ZNF680: variants seen among roughly 807,000 people sequenced by gnomAD.
ZNF680 encodes the protein zinc finger protein 680.
In ZNF680, 6 loss-of-function variants were observed where a neutral mutation model predicts 12.1. That is an observed-to-expected ratio of 0.49 (90% CI 0.27 to 0.98). The LOEUF is 0.98. Among genes scored for constraint, ZNF680 ranks in the 50% least tolerant of loss-of-function variants. The probability of loss-of-function intolerance (pLI) is 0.12; values close to 1 mark genes in which losing one functional copy is unlikely to be tolerated. For missense variants in ZNF680, 561 were observed against 616.3 expected (o/e 0.91, Z 0.95); for synonymous variants, 170 against 199.3 (o/e 0.85, Z 1.24).
the ZNF680 span, among the ~76,000 whole-genome samples, chr7:64,505,647 G>A: frequency 6.6e-6 from 1 of 152,134 alleles, no homozygotes; most frequent in African/African-American, 2.4e-5. Context: ...ATTCCATAGT[G>A]CCAGTGAGCC....
chr7:64,525,908 T>C (rs1407815706), intron 3 of ZNF680: 5 of 984,834 alleles, frequency 5.1e-6, no homozygotes, highest in Non-Finnish European at 6.0e-6. Flanking sequence ...AGGGAAAATA[T>C]TTATACAGGT....
chr7:64,558,841 G>A (rs1230996380), intron 1 of ZNF680, among the ~76,000 whole-genome samples: 1 of 151,528 alleles, frequency 6.6e-6, no homozygotes, highest in African/African-American at 2.4e-5. Context: ...GACACACCGG[G>A]GAGAAAGAAA....
downstream of ZNF680, among the ~76,000 whole-genome samples, chr7:64,515,021 C>A (rs1791318606): frequency 6.7e-6 from 1 of 149,484 alleles, no homozygotes; most frequent in Non-Finnish European, 1.5e-5. Flanking sequence ...CCAGCCTGGG[C>A]AACAAGAGCA....
chr7:64,537,650 A>G (rs1049726291), intron 3 of ZNF680, among the ~76,000 whole-genome samples: 20 of 152,226 alleles, frequency 1.3e-4, no homozygotes, highest in Non-Finnish European at 2.4e-4. Flanking sequence ...ATAGACGGCC[A>G]GGTGCGCTGG....
chr7:64,562,013 T>C (rs1438593030), intron 1 of ZNF680, among the ~76,000 whole-genome samples: 1 of 150,104 alleles, frequency 6.7e-6, no homozygotes, highest in Non-Finnish European at 1.5e-5. Flanking sequence ...GGCGGGCAGA[T>C]CACAAGGTCA....
rs1015225461 is a variant in ZNF680 at position 64,520,934 on chromosome 7, TCA to T, written c.*225_*226del. On this transcript the variant is annotated 3_prime_UTR_variant, in exon 4 of 4. Transcript: ENST00000309683. ...ATGTGAAAAGATATCAATGACTTTT[TCA>T]CATTCTTTATACTTGTACAATCTTT... is the stretch of plus-strand genomic sequence containing the variant. 2.2e-6 allele frequency: 1 copy of T among 444,758 alleles called. No homozygotes were observed. Among genetic ancestry groups the T allele is most frequent in the East Asian group, 3.9e-5 (1 of 25,342 alleles). 27.6% of individuals were successfully genotyped at this position (444,758 alleles called of 1,614,324 possible).
At chr7:64,501,798 T>G in the ZNF680 span, 1 of 675,794 alleles carries the variant, frequency 1.5e-6, no homozygotes, top group Admixed American at 1.9e-5. Context: ...AGATCAAATT[T>G]TTTACCAGAT....
At chr7:64,531,558 C>G (rs1011998845) in intron 3 of ZNF680, among the ~76,000 whole-genome samples, 1 of 142,066 alleles carries the variant, frequency 7.0e-6, no homozygotes, top group Non-Finnish European at 1.5e-5. Flanking sequence ...GATCGTGCCA[C>G]TGCACTCCAG....
At chr7:64,508,823 G>A in the ZNF680 span, among the ~76,000 whole-genome samples, 1 of 152,072 alleles carries the variant, frequency 6.6e-6, no homozygotes, top group South Asian at 2.1e-4. Context: ...ATACAATGTC[G>A]TGGATGTTTC....
chr7:64,521,929 A>G lies in ZNF680; in HGVS notation c.825T>C (p.Phe275=), dbSNP rs1483116809. 6.2e-7 allele frequency: 1 copy of G among 1,613,130 alleles called. No individual in the cohort carries two copies. The highest frequency in any genetic ancestry group is 1.1e-5 in the South Asian group (1 of 91,030). ...GTTTACTAAGGATTGAGAATAAACT[A>G]AAGGCTTTGCCACATTCTTCACATT... ...PFKCEECGKA[F]SLFSILSKHK... is the part of the protein sequence containing the mutation. The change falls in exon 4 of 4, where the codon TTT becomes TTC. Residue 275 remains phenylalanine (F), a synonymous_variant. Coordinates refer to ENST00000309683, the MANE Select transcript of ZNF680 (RefSeq NM_178558.5).
intron 3 of ZNF680, among the ~76,000 whole-genome samples, chr7:64,538,699 G>A (rs1442098939): frequency 6.6e-6 from 1 of 152,148 alleles, no homozygotes; most frequent in African/African-American, 2.4e-5. Context: ...ATTTACAAAT[G>A]TTATAAATGT....
chr7:64,512,457 C>CAAAA, the ZNF680 span, among the ~76,000 whole-genome samples: 9 of 87,184 alleles, frequency 1.0e-4, no homozygotes, highest in Admixed American at 3.9e-4. Flanking sequence ...CCGTCTCCAG[C>CAAAA]AAAAAAAAAA....
intron 3 of ZNF680, chr7:64,525,922 C>T (rs1217597626): frequency 9.1e-6 from 9 of 984,706 alleles, no homozygotes; most frequent in East Asian, 1.1e-4. Context: ...TACAGGTAAA[C>T]ACAGAGATCG....
chr7:64,499,700 C>T, the ZNF680 span, among the ~76,000 whole-genome samples: 1 of 152,136 alleles, frequency 6.6e-6, no homozygotes, highest in Non-Finnish European at 1.5e-5. Flanking sequence ...GCGGAGACCA[C>T]GCCATTGCAC....
chr7:64,505,815 A>G, the ZNF680 span, among the ~76,000 whole-genome samples: 1 of 148,716 alleles, frequency 6.7e-6, no homozygotes, highest in Non-Finnish European at 1.5e-5. Context: ...TGTCCTCTCT[A>G]CTGGAAGCAC....
At chr7:64,500,894 A>G in the ZNF680 span, 1 of 583,140 alleles carries the variant, frequency 1.7e-6, no homozygotes, top group Non-Finnish European at 3.3e-6. Context: ...TGGAAATCTC[A>G]ACACTCTTGT....
the ZNF680 span, among the ~76,000 whole-genome samples, chr7:64,504,658 C>T: frequency 6.6e-6 from 1 of 152,158 alleles, no homozygotes; most frequent in Non-Finnish European, 1.5e-5. Context: ...CCAGTATTCA[C>T]CCTGAGTCAC....
intron 1 of ZNF680, among the ~76,000 whole-genome samples, chr7:64,558,893 G>T (rs956659838): frequency 6.6e-6 from 1 of 150,396 alleles, no homozygotes; most frequent in Non-Finnish European, 1.5e-5. Context: ...TTTTTCCAAA[G>T]AATGTTTTGG....
chr7:64,539,032 G>A (rs1786332296), intron 3 of ZNF680, among the ~76,000 whole-genome samples: 1 of 150,742 alleles, frequency 6.6e-6, no homozygotes, highest in Non-Finnish European at 1.5e-5. Context: ...TCAGGAGGCT[G>A]AGGCAGGAGA....
Sources: gnomAD v4.1 joint callset for allele counts (sites outside exome capture counted in the v4.1 genomes callset) on GRCh38, gnomAD v4.1.1 for gene constraint, MANE v1.5 for transcripts, NCBI Gene and HGNC (gene_info 2026-07-23, HGNC 2026-07-21) for gene names.